The following IL1RAPL1 variants were observed in gnomAD, a reference collection of about 807,000 sequenced individuals.
IL1RAPL1 encodes the protein interleukin-1 receptor accessory protein-like 1.
In IL1RAPL1, 3 loss-of-function variants were observed where a neutral mutation model predicts 48.4. The ratio of observed to expected loss-of-function variants is 0.06; its 90% CI spans 0.03 to 0.16. The LOEUF (loss-of-function observed/expected upper bound fraction) is 0.16, where lower values mean the gene tolerates loss of function less well. Ranked by LOEUF, IL1RAPL1 falls within the 10% of genes least tolerant of loss-of-function variation. The pLI, the probability that IL1RAPL1 is intolerant of heterozygous loss-of-function variation, is 1.00. For missense variants in IL1RAPL1, 349 were observed against 530.6 expected, an observed-to-expected ratio of 0.66 and a Z score of 3.36; for synonymous variants, 185 against 187.7, an observed-to-expected ratio of 0.99 and a Z score of 0.12.
At chrX:29,838,836 G>C (rs886254792) in intron 6 of IL1RAPL1, among the ~76,000 whole-genome samples, 2 of 111,961 alleles carry the variant, frequency 1.8e-5, no homozygotes, top group Non-Finnish European at 3.8e-5. Flanking sequence ...TGGTTCTTCT[G>C]GTTTAGGCCA....
intron 6 of IL1RAPL1, among the ~76,000 whole-genome samples, chrX:29,779,387 T>TA (rs771497061): frequency 1.8e-5 from 2 of 111,259 alleles, no homozygotes; most frequent in Admixed American, 9.6e-5. Flanking sequence ...CCATGCTCTT[T>TA]AAAAGAGATC....
chrX:29,529,450 C>A (rs766404509), intron 5 of IL1RAPL1, among the ~76,000 whole-genome samples: 2 of 108,504 alleles, frequency 1.8e-5, no homozygotes, highest in Non-Finnish European at 3.8e-5. Flanking sequence ...AAAAATTAGC[C>A]GGGTGTGGTG....
intron 5 of IL1RAPL1, among the ~76,000 whole-genome samples, chrX:29,490,642 A>G (rs376901318): frequency 9.9e-5 from 11 of 111,648 alleles, no homozygotes; most frequent in African/African-American, 3.3e-4. Flanking sequence ...TAGGAAAGAC[A>G]TTGTTCTTCC....
At chrX:28,982,827 T>C in intron 2 of IL1RAPL1, 1 of 110,991 alleles carries the variant, frequency 9.0e-6, no homozygotes, top group Middle Eastern at 4.7e-3. Context: ...ATCTTTCTTT[T>C]ATTATTATTT....
intron 2 of IL1RAPL1, among the ~76,000 whole-genome samples, chrX:28,886,369 A>G (rs762282854): frequency 2.1e-4 from 23 of 109,929 alleles, no homozygotes; most frequent in Non-Finnish European, 4.0e-4. Context: ...TATGTACTAT[A>G]TACATATATG....
intron 2 of IL1RAPL1, among the ~76,000 whole-genome samples, chrX:29,054,306 A>G (rs774395749): frequency 8.4e-4 from 93 of 111,263 alleles, no homozygotes; most frequent in African/African-American, 3.0e-3. Flanking sequence ...GTTCTTCTCC[A>G]AGGTATTCAT....
intron 2 of IL1RAPL1, among the ~76,000 whole-genome samples, chrX:28,932,395 T>C (rs758470152): frequency 8.9e-6 from 1 of 112,029 alleles, no homozygotes; most frequent in South Asian, 3.7e-4. Context: ...TTTCTTACAA[T>C]GTAATAGTAA....
chrX:29,193,256 A>C (rs1930384344), intron 2 of IL1RAPL1, among the ~76,000 whole-genome samples: 1 of 110,918 alleles, frequency 9.0e-6, no homozygotes, highest in African/African-American at 3.3e-5. Context: ...GAAATAGGTA[A>C]ATTGAACAAC....
chrX:29,746,655 T>A (rs1403041919), intron 6 of IL1RAPL1, among the ~76,000 whole-genome samples: 1 of 111,652 alleles, frequency 9.0e-6, no homozygotes, highest in Non-Finnish European at 1.9e-5. Context: ...TCACCCAGAC[T>A]GGAGTGCAGT....
intron 6 of IL1RAPL1, among the ~76,000 whole-genome samples, chrX:29,904,348 A>AT (rs1360671498): frequency 1.9e-5 from 2 of 105,434 alleles, no homozygotes; most frequent in African/African-American, 7.0e-5. Flanking sequence ...TAAAAATTTT[A>AT]TTGCTGATTC....
At chrX:28,887,607 TTTC>T (rs1922668663) in intron 2 of IL1RAPL1, among the ~76,000 whole-genome samples, 1 of 111,746 alleles carries the variant, frequency 8.9e-6, no homozygotes, top group Non-Finnish European at 1.9e-5. Context: ...GCATTTGTTA[TTTC>T]TTTTTTTAAA....
intron 3 of IL1RAPL1, among the ~76,000 whole-genome samples, chrX:29,332,529 A>G (rs1932895591): frequency 3.9e-5 from 4 of 103,717 alleles, no homozygotes; most frequent in East Asian, 2.9e-4. Flanking sequence ...TTGGTTGCCA[A>G]TATTTGGAAT....
Position 29,338,638 on chromosome X carries a change from C to T in IL1RAPL1, c.362+55421C>T, listed in dbSNP as rs767600925. 1.3e-4 allele frequency among the ~76,000 whole-genome samples: 14 copies of T among 111,377 alleles called. No individual in the cohort carries two copies. In the East Asian group the frequency reaches 3.7e-3, roughly 29 times the overall value. On this transcript the variant is annotated intron_variant, in intron 3 of 10. Coordinates refer to ENST00000378993, the MANE Select transcript of IL1RAPL1 (RefSeq NM_014271.4). ...TCATTGTCCTCAGATAAAGTTGAAT[C>T]CGGGAGCTCAGTTGATATTATTAGT...
At chrX:29,482,879 C>G (rs956822166) in intron 5 of IL1RAPL1, among the ~76,000 whole-genome samples, 4 of 111,878 alleles carry the variant, frequency 3.6e-5, no homozygotes, top group Non-Finnish European at 5.6e-5. Flanking sequence ...TCTGATAAGA[C>G]TAAGATAATG....
intron 6 of IL1RAPL1, among the ~76,000 whole-genome samples, chrX:29,816,925 T>C (rs1467863422): frequency 9.1e-6 from 1 of 110,344 alleles, no homozygotes; most frequent in Non-Finnish European, 1.9e-5. Flanking sequence ...ACCAAGATAA[T>C]GGATGTGCTT....
intron 6 of IL1RAPL1, among the ~76,000 whole-genome samples, chrX:29,850,913 T>G (rs1250503632): frequency 8.9e-6 from 1 of 112,230 alleles, no homozygotes; most frequent in Non-Finnish European, 1.9e-5. Context: ...TGGATAGACC[T>G]TGATGAGAGT....
At chrX:29,844,290 T>A (rs7062805) in intron 6 of IL1RAPL1, among the ~76,000 whole-genome samples, 5,441 of 111,736 alleles carry the variant, frequency 0.049, 320 homozygotes, top group African/African-American at 0.17. Context: ...ATTGGATATG[T>A]CCTGAATATT....
chrX:29,948,003 T>G (rs1346333054), intron 9 of IL1RAPL1, among the ~76,000 whole-genome samples: 1 of 111,078 alleles, frequency 9.0e-6, no homozygotes, highest in Non-Finnish European at 1.9e-5. Flanking sequence ...TGAATCTATG[T>G]TGCCTGCTGC....
At chrX:29,223,819 A>C (rs1403626196) in intron 2 of IL1RAPL1, among the ~76,000 whole-genome samples, 1 of 110,895 alleles carries the variant, frequency 9.0e-6, no homozygotes, top group Non-Finnish European at 1.9e-5. Flanking sequence ...CTGGGATTAC[A>C]AGTGTGAGCC....
Sources: allele counts gnomAD v4.1 joint callset (sites outside exome capture counted in the v4.1 genomes callset), GRCh38; gene constraint gnomAD v4.1.1; transcripts MANE v1.5; gene names NCBI Gene and HGNC (gene_info 2026-07-23, HGNC 2026-07-21).